The following PAN3 variants were observed in gnomAD, a reference collection of about 807,000 sequenced individuals.
The protein encoded by PAN3 is PAN2-PAN3 deadenylation complex subunit PAN3.
A neutral mutation model predicts 96.2 loss-of-function variants in PAN3; 19 were observed. That is an observed-to-expected ratio of 0.20 (90% confidence interval 0.14 to 0.29). PAN3 has a LOEUF of 0.29. Among genes scored for constraint, PAN3 ranks in the 10% least tolerant of loss-of-function variants. The pLI, the probability that PAN3 is intolerant of heterozygous loss-of-function variation, is 1.00. For synonymous variants in PAN3, 433 were observed against 406.6 expected (o/e 1.06, Z -0.78); for missense variants, 882 against 1,108.1 (o/e 0.80, Z 2.90).
At position 28,207,938 on chromosome 13, in the gene PAN3, T is replaced by C. The variant is rs1879570078; in HGVS notation, c.852+10592T>C. Among the ~76,000 whole-genome samples the C allele has an allele frequency of 2.0e-5, 3 of 152,204 alleles. No homozygotes were observed. The South Asian group carries it at 6.2e-4, about 31-fold the overall frequency. On this transcript the variant is annotated intron_variant, in intron 5 of 18. Transcript: ENST00000380958. The stretch of plus-strand genomic sequence containing the variant: ...TTCTTCCTCACAGCGCCTAGTACAC[T>C]GCCTTGCACAGTGTCTTTTATATAT...
chr13:28,258,362 A>AT (rs1885395728), intron 7 of PAN3, among the ~76,000 whole-genome samples: 1 of 152,216 alleles, frequency 6.6e-6, no homozygotes, highest in African/African-American at 2.4e-5. Flanking sequence ...CTGAACTTTG[A>AT]TTTTGTATCA....
rs1869207396 is a variant in PAN3, at chr13:28,288,028, T to C, written c.2429T>C (p.Leu810Pro). ...PTWSETGDRY[L>P]LKLFRDHLFH... is the part of the protein sequence containing the mutation. The stretch of plus-strand genomic sequence containing the variant: ...TGGTCAGAGACTGGAGACCGTTATC[T>C]GTTGAAACTCTTTAGGGATCATCTT... The change falls in exon 18 of 19, where the codon CTG becomes CCG. Residue 810 changes from leucine to proline, a missense_variant. Around this residue, in one of 3 missense-constraint regions of PAN3, gnomAD observed 76 missense variants for 171.7 expected, o/e 0.44. Coordinates refer to ENST00000380958, the MANE Select transcript of PAN3 (RefSeq NM_175854.8). 6.2e-7 allele frequency: 1 copy of C among 1,613,602 alleles called. No homozygotes were observed. The highest frequency in any genetic ancestry group is 8.5e-7 in the Non-Finnish European group (1 of 1,179,788).
At chr13:28,187,413 G>C (rs373233054) in intron 4 of PAN3, among the ~76,000 whole-genome samples, 13 of 152,262 alleles carry the variant, frequency 8.5e-5, no homozygotes, top group African/African-American at 3.1e-4. Flanking sequence ...ACGTATTGTG[G>C]TTCCAGTCTA....
At chr13:28,275,513 C>T (rs1229129820) in intron 14 of PAN3, among the ~76,000 whole-genome samples, 1 of 152,118 alleles carries the variant, frequency 6.6e-6, no homozygotes, top group Non-Finnish European at 1.5e-5. Flanking sequence ...TGATAAATAA[C>T]AACAATCTTT....
At chr13:28,145,125 C>T (rs763284672) in intron 1 of PAN3, among the ~76,000 whole-genome samples, 5 of 152,170 alleles carry the variant, frequency 3.3e-5, no homozygotes, top group South Asian at 4.2e-4. Flanking sequence ...AGATACAATA[C>T]GGATATCTCA....
rs1330158172 is a variant in PAN3, at chr13:28,144,234, TG to T, written c.430+5148del. Among the ~76,000 whole-genome samples the T allele has an allele frequency of 5.8e-3, 821 of 142,288 alleles. 10 individuals carry two copies. The highest frequency in any genetic ancestry group is 0.021 in the African/African-American group (771 of 36,498). 93.3% of individuals were successfully genotyped at this position (142,288 alleles called of 152,430 possible). A position where few individuals can be genotyped will look rare whatever the true frequency, so the allele number is the denominator to read the frequency against. On this transcript the variant is annotated intron_variant, in intron 1 of 18. Coordinates refer to ENST00000380958, the MANE Select transcript of PAN3 (RefSeq NM_175854.8). ...TTGTTTTTTTTTTTTTTTTTTTTTT[TG>T]ATATGGAGTCTCGCTCTGTCTCCCA...
rs142377115 is a variant in PAN3 at position 28,228,887 on chromosome 13, A to C, written c.1000+8509A>C. 6.9e-3 allele frequency among the ~76,000 whole-genome samples: 1,046 copies of C among 152,322 alleles called. 12 individuals carry two copies. The highest frequency in any genetic ancestry group is 0.024 in the African/African-American group (1,011 of 41,564). On this transcript the variant is annotated intron_variant, in intron 6 of 18. Coordinates refer to ENST00000380958, the MANE Select transcript of PAN3 (RefSeq NM_175854.8). ...AAACAAATAGATCCAAAATGTAATG[A>C]CATGGCTTAATATGACAAAAATGTA... is the stretch of plus-strand genomic sequence containing the variant.
At chr13:28,159,973 C>T (rs184146851) in intron 1 of PAN3, among the ~76,000 whole-genome samples, 1 of 151,668 alleles carries the variant, frequency 6.6e-6, no homozygotes, top group East Asian at 1.9e-4. Flanking sequence ...GAGTCTCGCT[C>T]TATCACCCAG....
intron 14 of PAN3, among the ~76,000 whole-genome samples, chr13:28,277,017 T>A (rs1357406416): frequency 6.6e-6 from 1 of 152,150 alleles, no homozygotes; most frequent in Non-Finnish European, 1.5e-5. Flanking sequence ...TTAAAAATGT[T>A]GAGCCATTTT....
At chr13:28,264,353 A>T (rs567353967) in intron 9 of PAN3, among the ~76,000 whole-genome samples, 1 of 152,332 alleles carries the variant, frequency 6.6e-6, no homozygotes, top group South Asian at 2.1e-4. Context: ...AGCCTGGCCA[A>T]CATGGCAAAA....
intron 5 of PAN3, among the ~76,000 whole-genome samples, chr13:28,199,006 A>G (rs542364405): frequency 6.6e-6 from 1 of 152,374 alleles, no homozygotes; most frequent in South Asian, 2.1e-4. Flanking sequence ...CAGGGGTTTC[A>G]TATAACCATA....
rs757555173 is a variant in PAN3 at position 28,287,972 on chromosome 13, C to A, written c.2385-12C>A. 6.2e-7 allele frequency: 1 copy of A among 1,602,456 alleles called. No individual in the cohort carries two copies. The highest frequency in any genetic ancestry group is 1.1e-5 in the South Asian group (1 of 88,566). On this transcript the variant is annotated splice_polypyrimidine_tract_variant and intron_variant, in intron 17 of 18. Coordinates refer to ENST00000380958, the MANE Select transcript of PAN3 (RefSeq NM_175854.8). Reference sequence around the variant, plus strand: ...GCATGAGTTACTGAGGTAAAATGTTCATTTCCCCCAGGTTTCAGAAGGATC... The same window carrying A: ...GCATGAGTTACTGAGGTAAAATGTTAATTTCCCCCAGGTTTCAGAAGGATC...
intron 17 of PAN3, among the ~76,000 whole-genome samples, chr13:28,283,571 A>G (rs143602530): frequency 0.01 from 1,558 of 152,228 alleles, 25 homozygotes; most frequent in African/African-American, 0.035. Context: ...CCCTTTAAAT[A>G]TATAAAAATT....
At chr13:28,230,366 A>G (rs1253415034) in intron 6 of PAN3, among the ~76,000 whole-genome samples, 1 of 152,134 alleles carries the variant, frequency 6.6e-6, no homozygotes, top group African/African-American at 2.4e-5. Context: ...TGAGTAGCAT[A>G]AGTACTGTGG....
At chr13:28,223,466 A>G (rs1881620167) in intron 6 of PAN3, among the ~76,000 whole-genome samples, 1 of 151,964 alleles carries the variant, frequency 6.6e-6, no homozygotes, top group Non-Finnish European at 1.5e-5. Context: ...GCATATTTTT[A>G]TTTATAAATA....
At chr13:28,205,701 G>T (rs1256795126) in intron 5 of PAN3, among the ~76,000 whole-genome samples, 1 of 151,742 alleles carries the variant, frequency 6.6e-6, no homozygotes, top group East Asian at 1.9e-4. Context: ...TAATTAGCTG[G>T]GTGTGGTGAC....
intron 4 of PAN3, among the ~76,000 whole-genome samples, chr13:28,191,392 C>A (rs184779391): frequency 3.5e-4 from 54 of 152,300 alleles, no homozygotes; most frequent in African/African-American, 1.2e-3. Flanking sequence ...GTAGCCAGGG[C>A]AGTTGTGTCT....
At chr13:28,139,936 G>GTGT (rs568234142) in intron 1 of PAN3, among the ~76,000 whole-genome samples, 1,929 of 151,754 alleles carry the variant, frequency 0.013, 15 homozygotes, top group East Asian at 0.021. Context: ...TCTTTTTCAT[G>GTGT]TGTTGTTGTT....
At chr13:28,236,635 G>A (rs557823493) in intron 6 of PAN3, among the ~76,000 whole-genome samples, 23 of 152,210 alleles carry the variant, frequency 1.5e-4, no homozygotes, top group Admixed American at 1.3e-3. Flanking sequence ...TTTTCTATTT[G>A]TTTTAACCAG....
Sources: allele counts gnomAD v4.1 joint callset (sites outside exome capture counted in the v4.1 genomes callset), GRCh38; gene constraint gnomAD v4.1.1; regional missense constraint gnomAD v4.1.1; transcripts MANE v1.5; gene names NCBI Gene and HGNC (gene_info 2026-07-23, HGNC 2026-07-21).